The following LRRIQ1 variants were observed in gnomAD, a reference collection of about 807,000 sequenced individuals.
LRRIQ1 encodes leucine-rich repeat- and IQ domain-containing protein 1.
A neutral mutation model predicts 211.9 loss-of-function variants in LRRIQ1; 210 were observed. The ratio of observed to expected loss-of-function variants is 0.99; its 90% confidence interval spans 0.89 to 1.11. The LOEUF is 1.11. Among genes scored for constraint, LRRIQ1 ranks in the 50% most tolerant of loss-of-function variants. The probability of loss-of-function intolerance (pLI) is 0.00; values close to 1 mark genes in which losing one functional copy is unlikely to be tolerated. For synonymous variants in LRRIQ1, 699 were observed against 650.1 expected (o/e 1.08, Z -1.14); for missense variants, 2,136 against 1,939.5 (o/e 1.10, Z -1.90).
intron 26 of LRRIQ1, among the ~76,000 whole-genome samples, chr12:85,239,033 A>G (rs1895334179): frequency 6.6e-6 from 1 of 152,184 alleles, no homozygotes; most frequent in African/African-American, 2.4e-5. Context: ...AAAATATTTA[A>G]AAATAAATGT....
downstream of LRRIQ1, among the ~76,000 whole-genome samples, chr12:85,247,136 G>A (rs529504384): frequency 1.3e-5 from 2 of 151,570 alleles, no homozygotes; most frequent in African/African-American, 4.8e-5. Flanking sequence ...TGATCTAATT[G>A]GTTCAGCTTA....
chr12:85,241,634 A>G (rs1263353814), intron 26 of LRRIQ1, among the ~76,000 whole-genome samples: 1 of 151,986 alleles, frequency 6.6e-6, no homozygotes, highest in African/African-American at 2.4e-5. Flanking sequence ...TAATTTTGAA[A>G]TAATACTCTA....
Position 85,056,168 on chromosome 12 carries a change from G to T in LRRIQ1, c.1375G>T (p.Glu459Ter), listed in dbSNP as rs757956993. The change falls in exon 8 of 27, where the codon GAA becomes TAA. Residue 459 changes from glutamate (E) to a stop codon, truncating the protein, a stop_gained. Coordinates refer to ENST00000393217, the MANE Select transcript of LRRIQ1 (RefSeq NM_001079910.2). LOFTEE classifies it high-confidence loss of function. ...ENVDRQTILK[E>*]SIQVKLKESI... The stretch of plus-strand genomic sequence containing the variant: ...TGTAGATAGACAGACTATATTAAAA[G>T]AATCAATACAAGTAAAGTTAAAAGA... The T allele has an allele frequency of 6.3e-7, 1 of 1,588,748 alleles. No individual in the cohort carries two copies. Among genetic ancestry groups the T allele is most frequent in the Non-Finnish European group, 8.5e-7 (1 of 1,172,666 alleles).
At chr12:85,163,349 C>T (rs989421948) in intron 24 of LRRIQ1, among the ~76,000 whole-genome samples, 2 of 151,860 alleles carry the variant, frequency 1.3e-5, no homozygotes, top group African/African-American at 2.4e-5. Context: ...CATCTGATGC[C>T]CCCCAGAAAA....
intron 18 of LRRIQ1, among the ~76,000 whole-genome samples, chr12:85,128,954 C>T (rs887626119): frequency 1.3e-5 from 2 of 152,100 alleles, no homozygotes; most frequent in African/African-American, 4.8e-5. Context: ...CCTTAGATCT[C>T]GTCTGGGGCT....
chr12:85,172,746 G>C (rs1476254577), intron 24 of LRRIQ1, among the ~76,000 whole-genome samples: 3 of 152,096 alleles, frequency 2.0e-5, no homozygotes, highest in Non-Finnish European at 2.9e-5. Flanking sequence ...TATGAGATCT[G>C]TCTCTATGTC....
intron 24 of LRRIQ1, among the ~76,000 whole-genome samples, chr12:85,196,539 T>C (rs1892922736): frequency 6.6e-6 from 1 of 152,110 alleles, no homozygotes; most frequent in South Asian, 2.1e-4. Context: ...TACAACTATC[T>C]GATCTTTGAC....
intron 24 of LRRIQ1, among the ~76,000 whole-genome samples, chr12:85,200,354 C>G (rs1893227816): frequency 6.6e-6 from 1 of 152,108 alleles, no homozygotes; most frequent in African/African-American, 2.4e-5. Context: ...TTTATCAGAT[C>G]AAGGAGCTTT....
rs575641484 is a variant in LRRIQ1, at chr12:85,055,473, A to G, written c.754-74A>G. 1.8e-5 allele frequency: 22 copies of G among 1,189,654 alleles called. No homozygotes were observed. The African/African-American group carries it at 3.2e-4, about 17-fold the overall frequency. 73.7% of individuals were successfully genotyped at this position (1,189,654 alleles called of 1,614,324 possible). A position where few individuals can be genotyped will look rare whatever the true frequency, so the allele number is the denominator to read the frequency against. ...CAGTTTTAGTATTTGTTTTCAATCT[A>G]CATTTCAGATGACATTTTAGTAACA... On this transcript the variant is annotated intron_variant, in intron 7 of 26. Transcript: ENST00000393217.
intron 24 of LRRIQ1, among the ~76,000 whole-genome samples, chr12:85,178,577 A>G (rs972618658): frequency 1.3e-5 from 2 of 151,654 alleles, no homozygotes; most frequent in Non-Finnish European, 2.9e-5. Context: ...AAATTCAGAA[A>G]CCTCTTTTCT....
In LRRIQ1 at chr12:85,137,833, T is replaced by C. The variant is rs773022123; in HGVS notation, c.4210-17T>C. 1.9e-6 allele frequency: 3 copies of C among 1,572,042 alleles called. No individual in the cohort carries two copies. Among genetic ancestry groups the C allele is most frequent in the Non-Finnish European group, 2.6e-6 (3 of 1,164,184 alleles). The stretch of plus-strand genomic sequence containing the variant: ...TGATCTATAACTTTGTATAACATAC[T>C]TTACATTTTTGTTTAGGCAGTTTGG... On this transcript the variant is annotated splice_polypyrimidine_tract_variant and intron_variant, in intron 18 of 26. Transcript: ENST00000393217.
At chr12:85,198,137 T>A (rs1402057568) in intron 24 of LRRIQ1, among the ~76,000 whole-genome samples, 5 of 123,560 alleles carry the variant, frequency 4.0e-5, no homozygotes, top group African/African-American at 1.6e-4. Context: ...ATATTATATA[T>A]AATATATTAT....
intron 11 of LRRIQ1, among the ~76,000 whole-genome samples, chr12:85,086,418 C>T (rs1215250139): frequency 2.6e-5 from 4 of 151,944 alleles, no homozygotes; most frequent in Non-Finnish European, 5.9e-5. Context: ...ACCTCACCCC[C>T]ACTCTTGTCA....
chr12:85,100,515 TA>T (rs1041377165), intron 13 of LRRIQ1, among the ~76,000 whole-genome samples: 1 of 151,662 alleles, frequency 6.6e-6, no homozygotes, highest in African/African-American at 2.4e-5. Flanking sequence ...ATTTGGGGGA[TA>T]AAAAAATGAG....
At chr12:85,112,233 T>G (rs1887229557) in intron 15 of LRRIQ1, among the ~76,000 whole-genome samples, 1 of 151,942 alleles carries the variant, frequency 6.6e-6, no homozygotes, top group African/African-American at 2.4e-5. Flanking sequence ...CTAGACTACA[T>G]CTTCTTAGAT....
chr12:85,099,126 A>G (rs1886145962), intron 13 of LRRIQ1, 132 bp downstream of exon 13: 1 of 470,666 alleles, frequency 2.1e-6, no homozygotes, highest in Non-Finnish European at 3.4e-6. Context: ...TTAGTATATA[A>G]ATTATAAAAA....
At chr12:85,242,046 G>A (rs137919994) in intron 26 of LRRIQ1, among the ~76,000 whole-genome samples, 72 of 152,042 alleles carry the variant, frequency 4.7e-4, no homozygotes, top group African/African-American at 1.5e-3. Flanking sequence ...TAGGTAGGGC[G>A]ATAAAAGAGA....
At chr12:85,116,872 C>T (rs1383129720) in intron 15 of LRRIQ1, among the ~76,000 whole-genome samples, 4 of 151,784 alleles carry the variant, frequency 2.6e-5, no homozygotes, top group Non-Finnish European at 5.9e-5. Context: ...CCACAAAGGA[C>T]ATGATCTCGT....
chr12:85,161,595 G>A (rs936202611), intron 24 of LRRIQ1, among the ~76,000 whole-genome samples: 8 of 152,008 alleles, frequency 5.3e-5, no homozygotes, highest in Admixed American at 6.6e-5. Context: ...TTCATAGCAC[G>A]ATTGAAAATG....
Sources: gnomAD v4.1 joint callset for allele counts (sites outside exome capture counted in the v4.1 genomes callset) on GRCh38, gnomAD v4.1.1 for gene constraint, MANE v1.5 for transcripts, NCBI Gene and HGNC (gene_info 2026-07-23, HGNC 2026-07-21) for gene names.